The following AFF3 variants were observed in gnomAD, a reference collection of about 807,000 sequenced individuals.
AFF3 encodes AF4/FMR2 family member 3.
A neutral mutation model predicts 129.7 loss-of-function variants in AFF3; 32 were observed. The observed-to-expected ratio is 0.25, with a 90% CI of 0.19 to 0.33. AFF3 has a LOEUF of 0.33. Among genes scored for constraint, AFF3 ranks in the 10% least tolerant of loss-of-function variants. The pLI is 1.00. For synonymous variants in AFF3, 644 were observed against 635.4 expected (o/e 1.01, Z -0.20); for missense variants, 1,373 against 1,592.0 (o/e 0.86, Z 2.34).
At chr2:100,130,156 T>C (rs1324088644) in intron 1 of AFF3, among the ~76,000 whole-genome samples, 1 of 152,232 alleles carries the variant, frequency 6.6e-6, no homozygotes, top group African/African-American at 2.4e-5. Flanking sequence ...ATGATTGAGA[T>C]AGGAGTCTCC....
At chr2:99,756,075 C>T (rs181043052) in intron 8 of AFF3, among the ~76,000 whole-genome samples, 32 of 152,314 alleles carry the variant, frequency 2.1e-4, no homozygotes, top group Admixed American at 1.0e-3. Context: ...CCCTCCTTTC[C>T]TTCTCCTTTG....
At chr2:99,803,380 A>C (rs1309932541) in intron 8 of AFF3, among the ~76,000 whole-genome samples, 2 of 152,048 alleles carry the variant, frequency 1.3e-5, no homozygotes, top group East Asian at 1.9e-4. Flanking sequence ...AGGGATAGGA[A>C]GTGAAAGATC....
At position 99,593,489 on chromosome 2, in the gene AFF3, G is replaced by A. The variant is rs773359094; in HGVS notation, c.2172C>T (p.Gly724=). 6.2e-7 allele frequency: 1 copy of A among 1,613,604 alleles called. No homozygotes were observed. Among genetic ancestry groups the A allele is most frequent in the African/African-American group, 1.3e-5 (1 of 74,914 alleles). The stretch of plus-strand genomic sequence containing the variant: ...CACTGGTGGTCCTGGCGTTGATGGA[G>A]CCTACAGGGGCCCTAGGACCACTGC... The part of the protein sequence containing the change: ...NGGSGPRAPV[G]SINARTTSDI... Residue 724 remains glycine, a synonymous_variant, in exon 15 of 25, where the codon GGC becomes GGT. Coordinates refer to ENST00000672756, the MANE Select transcript of AFF3 (RefSeq NM_001386135.1).
intron 8 of AFF3, among the ~76,000 whole-genome samples, chr2:99,778,905 T>A (rs1474869867): frequency 1.7e-5 from 2 of 116,316 alleles, no homozygotes; most frequent in African/African-American, 6.7e-5. Flanking sequence ...CGCGTGTGTG[T>A]GTGTGTGTGT....
intron 8 of AFF3, among the ~76,000 whole-genome samples, chr2:99,823,737 G>A (rs1051669867): frequency 1.3e-5 from 2 of 152,178 alleles, no homozygotes; most frequent in Non-Finnish European, 2.9e-5. Context: ...GAAAGAAAAC[G>A]TGGCACGTGT....
intron 7 of AFF3, among the ~76,000 whole-genome samples, chr2:99,994,364 G>A (rs1680644630): frequency 6.6e-6 from 1 of 152,096 alleles, no homozygotes; most frequent in Non-Finnish European, 1.5e-5. Flanking sequence ...AAAGAGAGAG[G>A]TAAAAAAAGT....
chr2:99,631,345 T>C (rs1167097865), intron 13 of AFF3, among the ~76,000 whole-genome samples: 2 of 152,188 alleles, frequency 1.3e-5, no homozygotes, highest in Admixed American at 1.3e-4. Flanking sequence ...CATAGTAAAA[T>C]ACATACAATA....
At chr2:99,554,083 C>A (rs1674685439) in intron 24 of AFF3, among the ~76,000 whole-genome samples, 1 of 152,050 alleles carries the variant, frequency 6.6e-6, no homozygotes, top group South Asian at 2.1e-4. Flanking sequence ...TTTGAGAAAT[C>A]AGGATACTTT....
intron 7 of AFF3, among the ~76,000 whole-genome samples, chr2:99,949,257 A>G (rs1675920101): frequency 6.6e-6 from 1 of 152,230 alleles, no homozygotes; most frequent in South Asian, 2.1e-4. Flanking sequence ...TATTGCTTCT[A>G]GCATTCATAT....
At chr2:99,786,498 G>T (rs1240232467) in intron 8 of AFF3, among the ~76,000 whole-genome samples, 1 of 152,130 alleles carries the variant, frequency 6.6e-6, no homozygotes, top group Non-Finnish European at 1.5e-5. Context: ...AAAAAATCAA[G>T]ATTTTCCACC....
intron 4 of AFF3, among the ~76,000 whole-genome samples, chr2:100,067,318 T>C (rs1378283582): frequency 6.6e-6 from 1 of 152,156 alleles, no homozygotes; most frequent in Non-Finnish European, 1.5e-5. Context: ...CAGGATAATC[T>C]ACAAGGGAAA....
At position 99,913,176 on chromosome 2, in the gene AFF3, T is replaced by TAC. The variant is rs539929762; in HGVS notation, c.874-75654_874-75653dup. ...AGCTATAGCCCCTACTGTACCTACA[T>TAC]ACAACAGGAAACTTTATATAAAGAA... On this transcript the variant is annotated intron_variant, in intron 7 of 24. Coordinates refer to ENST00000672756, the MANE Select transcript of AFF3 (RefSeq NM_001386135.1). 2.7e-3 allele frequency among the ~76,000 whole-genome samples: 413 copies of TAC among 152,332 alleles called. 5 individuals carry two copies. Among genetic ancestry groups the TAC allele is most frequent in the African/African-American group, 9.6e-3 (399 of 41,570 alleles).
intron 7 of AFF3, among the ~76,000 whole-genome samples, chr2:99,933,148 C>CT (rs137992273): frequency 0.1 from 15,318 of 151,160 alleles, 966 homozygotes; most frequent in Non-Finnish European, 0.13. Context: ...CACCGGAGGT[C>CT]TTTTTTTTTA....
chr2:99,728,276 C>T (rs901625947), intron 10 of AFF3, among the ~76,000 whole-genome samples: 31 of 152,134 alleles, frequency 2.0e-4, no homozygotes, highest in Admixed American at 5.2e-4. Context: ...GATGGTTGTG[C>T]AGAGCCAATA....
At chr2:99,697,989 T>G (rs1343485062) in intron 11 of AFF3, among the ~76,000 whole-genome samples, 1 of 152,196 alleles carries the variant, frequency 6.6e-6, no homozygotes, top group Non-Finnish European at 1.5e-5. Context: ...TTGTTTTTTT[T>G]CCTTTAAAAA....
rs997361324 is a variant in AFF3, at chr2:99,957,202, C to T, written c.873+49430G>A. Among the ~76,000 whole-genome samples, 9 of 151,904 alleles carry T rather than the reference C, an allele frequency of 5.9e-5. No individual in the cohort carries two copies. The East Asian group carries it at 9.7e-4, about 16-fold the overall frequency. On this transcript the variant is annotated intron_variant, in intron 7 of 24. Transcript: ENST00000672756. ...GTGTGCGTGTGTGTGTGTGCGCGCG[C>T]GCGCATTTTTAGGTAGAGACCAATT...
At chr2:100,106,235 GT>G in intron 2 of AFF3, 1 of 1,182,384 alleles carries the variant, frequency 8.5e-7, no homozygotes, top group South Asian at 1.6e-5. Context: ...TTAAGACAGA[GT>G]TGGCATCAAC....
At chr2:99,902,856 T>C (rs551526086) in intron 7 of AFF3, among the ~76,000 whole-genome samples, 1 of 152,282 alleles carries the variant, frequency 6.6e-6, no homozygotes, top group Non-Finnish European at 1.5e-5. Context: ...CTCCCATGCA[T>C]AATGATGGAA....
intron 4 of AFF3, among the ~76,000 whole-genome samples, chr2:100,019,125 C>T (rs1310722078): frequency 6.6e-6 from 1 of 152,134 alleles, no homozygotes. Context: ...GTCCTCTCAT[C>T]CAATCCCCAT....
Sources: allele counts gnomAD v4.1 joint callset (sites outside exome capture counted in the v4.1 genomes callset), GRCh38; gene constraint gnomAD v4.1.1; transcripts MANE v1.5; gene names NCBI Gene and HGNC (gene_info 2026-07-23, HGNC 2026-07-21).